FRMD4B: variants seen among roughly 807,000 people sequenced by gnomAD.
FRMD4B encodes FERM domain-containing protein 4B.
Under a neutral mutation model 141.5 loss-of-function variants are expected in FRMD4B, and 74 were observed. That is an observed-to-expected ratio of 0.52 (90% CI 0.43 to 0.63). FRMD4B has a LOEUF of 0.63. Among genes scored for constraint, FRMD4B ranks in the 30% least tolerant of loss-of-function variants. The pLI is 0.00. For synonymous variants in FRMD4B, 506 were observed against 467.9 expected, an observed-to-expected ratio of 1.08 and a Z score of -1.05; for missense variants, 1,366 against 1,253.4, an observed-to-expected ratio of 1.09 and a Z score of -1.36.
chr3:69,342,075 T>C (rs1702757673), intron 1 of FRMD4B, among the ~76,000 whole-genome samples: 1 of 152,154 alleles, frequency 6.6e-6, no homozygotes, highest in African/African-American at 2.4e-5. Context: ...CTAATGACAT[T>C]AGAGAAGCTT....
intron 1 of FRMD4B, among the ~76,000 whole-genome samples, chr3:69,471,225 A>G (rs542240648): frequency 8.5e-5 from 13 of 152,312 alleles, no homozygotes; most frequent in Admixed American, 2.0e-4. Flanking sequence ...GACCGGGCTA[A>G]GTCCCAGCCT....
intron 1 of FRMD4B, among the ~76,000 whole-genome samples, chr3:69,518,669 C>G (rs939444372): frequency 1.3e-5 from 2 of 152,162 alleles, no homozygotes; most frequent in African/African-American, 4.8e-5. Flanking sequence ...TGACCCCTGA[C>G]CAAGCTAGAC....
chr3:69,362,391 T>A (rs932764057), intron 1 of FRMD4B, among the ~76,000 whole-genome samples: 2 of 152,198 alleles, frequency 1.3e-5, no homozygotes, highest in African/African-American at 4.8e-5. Flanking sequence ...AATTGTTAAT[T>A]GGAATCCTTT....
chr3:69,483,700 G>A (rs568972499), intron 1 of FRMD4B, among the ~76,000 whole-genome samples: 118 of 152,150 alleles, frequency 7.8e-4, no homozygotes, highest in African/African-American at 2.6e-3. Flanking sequence ...GGATCTCTTC[G>A]CCAACTTCTA....
chr3:69,240,571 GA>G (rs1446391560), intron 7 of FRMD4B, among the ~76,000 whole-genome samples: 1 of 147,602 alleles, frequency 6.8e-6, no homozygotes, highest in Non-Finnish European at 1.5e-5. Context: ...GAAAGTCAAA[GA>G]AATGTGTTTC....
intron 18 of FRMD4B, among the ~76,000 whole-genome samples, chr3:69,188,696 G>A (rs2092798263): frequency 6.8e-6 from 1 of 146,646 alleles, no homozygotes; most frequent in South Asian, 2.2e-4. Flanking sequence ...AGCGGAGCTT[G>A]CAGTGAGCCG....
intron 1 of FRMD4B, among the ~76,000 whole-genome samples, chr3:69,479,496 G>T (rs1209645925): frequency 6.6e-6 from 1 of 152,082 alleles, no homozygotes; most frequent in Non-Finnish European, 1.5e-5. Context: ...GAAATTCTGG[G>T]TTGAAAATTC....
intron 10 of FRMD4B, among the ~76,000 whole-genome samples, chr3:69,217,940 T>C (rs150219565): frequency 1.3e-5 from 2 of 152,316 alleles, no homozygotes; most frequent in East Asian, 3.9e-4. Context: ...GTGTATGTAA[T>C]ACACTGATTA....
intron 1 of FRMD4B, among the ~76,000 whole-genome samples, chr3:69,478,557 G>T (rs1575816820): frequency 6.6e-6 from 1 of 152,202 alleles, no homozygotes; most frequent in East Asian, 1.9e-4. Flanking sequence ...TGATTGCACT[G>T]TGGTCTGAGA....
chr3:69,541,076 GA>G (rs940117915), intron 1 of FRMD4B: 1 of 152,144 alleles, frequency 6.6e-6, no homozygotes, highest in African/African-American at 2.4e-5. Context: ...TTTAGGACGG[GA>G]AACAGCACGT....
At chr3:69,396,156 G>C (rs933179978) in intron 2 of FRMD4B, among the ~76,000 whole-genome samples, 1 of 152,082 alleles carries the variant, frequency 6.6e-6, no homozygotes, top group African/African-American at 2.4e-5. Flanking sequence ...TGATCTAAGG[G>C]AAGGCACAAC....
chr3:69,415,761 T>G, intron 2 of FRMD4B, among the ~76,000 whole-genome samples: 1 of 152,232 alleles, frequency 6.6e-6, no homozygotes, highest in East Asian at 1.9e-4. Flanking sequence ...TCCATGGGGC[T>G]GTGGGGTTTT....
intron 5 of FRMD4B, among the ~76,000 whole-genome samples, chr3:69,284,060 A>T (rs2093656422): frequency 6.6e-6 from 1 of 152,166 alleles, no homozygotes; most frequent in African/African-American, 2.4e-5. Flanking sequence ...TGAACCTTGA[A>T]CAAGGCGAGC....
At chr3:69,230,024 T>TG (rs1280302839) in intron 7 of FRMD4B, among the ~76,000 whole-genome samples, 1 of 151,862 alleles carries the variant, frequency 6.6e-6, no homozygotes, top group Non-Finnish European at 1.5e-5. Flanking sequence ...TCACCCAGGC[T>TG]GGAGTGCAGT....
intron 1 of FRMD4B, among the ~76,000 whole-genome samples, chr3:69,460,535 A>G (rs1705693634): frequency 6.6e-6 from 1 of 152,228 alleles, no homozygotes; most frequent in Non-Finnish European, 1.5e-5. Context: ...GTTGCACACC[A>G]GAATCTTCTG....
At chr3:69,261,008 A>T (rs560984815) in intron 5 of FRMD4B, among the ~76,000 whole-genome samples, 2 of 152,338 alleles carry the variant, frequency 1.3e-5, no homozygotes, top group East Asian at 3.9e-4. Context: ...AAATGGGCCA[A>T]TCAGCAGGAT....
At chr3:69,536,990 C>G (rs1448098620) in intron 1 of FRMD4B, among the ~76,000 whole-genome samples, 1 of 152,158 alleles carries the variant, frequency 6.6e-6, no homozygotes, top group Admixed American at 6.5e-5. Flanking sequence ...TCAAGGAATC[C>G]TCCTGCCCTG....
chr3:69,260,283 G>C (rs974520307), intron 5 of FRMD4B, among the ~76,000 whole-genome samples: 1 of 152,190 alleles, frequency 6.6e-6, no homozygotes, highest in Non-Finnish European at 1.5e-5. Flanking sequence ...GCGCCAGCGG[G>C]AACCAGGGCT....
chr3:69,349,839 A>C (rs1221433390), intron 1 of FRMD4B, among the ~76,000 whole-genome samples: 1 of 152,172 alleles, frequency 6.6e-6, no homozygotes, highest in Non-Finnish European at 1.5e-5. Flanking sequence ...TGGATTAAAG[A>C]CCTAAATGTT....
Sources: allele counts gnomAD v4.1 joint callset (sites outside exome capture counted in the v4.1 genomes callset), GRCh38; gene constraint gnomAD v4.1.1; transcripts MANE v1.5; gene names NCBI Gene and HGNC (gene_info 2026-07-23, HGNC 2026-07-21).